Variants in CEP83 observed in about 807,000 individuals in gnomAD.
CEP83 encodes centrosomal protein 83.
In CEP83, 70 loss-of-function variants were observed where a neutral mutation model predicts 101.9. That is an observed-to-expected ratio of 0.69 (90% CI 0.57 to 0.84). The LOEUF (loss-of-function observed/expected upper bound fraction) is 0.84. Ranked by LOEUF, CEP83 falls within the 40% of genes least tolerant of loss-of-function variation. CEP83 has a pLI of 0.00. For missense variants in CEP83, 715 were observed against 787.2 expected, an observed-to-expected ratio of 0.91 and a Z score of 1.10; for synonymous variants, 264 against 267.9, an observed-to-expected ratio of 0.99 and a Z score of 0.14.
intron 11 of CEP83, among the ~76,000 whole-genome samples, chr12:94,341,280 T>C (rs909611789): frequency 2.6e-5 from 4 of 152,192 alleles, no homozygotes; most frequent in Non-Finnish European, 5.9e-5. Flanking sequence ...GTGATTAATA[T>C]GTAATAGATT....
rs756209826 is a variant in CEP83, at chr12:94,411,653, T to C, written c.324+44A>G. ...AAACTACTTACTTCCACTACGTATC[T>C]GACTGCTTTTATACTAACTCAAAAC... On this transcript the variant is annotated intron_variant, in intron 4 of 16. Transcript: ENST00000397809. 7 of 1,482,538 alleles carry C rather than the reference T, an allele frequency of 4.7e-6. No homozygotes were observed. The South Asian group carries it at 8.5e-5, about 18-fold the overall frequency. 91.8% of individuals were successfully genotyped at this position (1,482,538 alleles called of 1,614,324 possible).
chr12:94,413,639 T>C (rs1052692396), intron 2 of CEP83, among the ~76,000 whole-genome samples: 5 of 152,146 alleles, frequency 3.3e-5, no homozygotes, highest in African/African-American at 1.2e-4. Flanking sequence ...TCCTATGTGT[T>C]ATACACTGTG....
intron 11 of CEP83, among the ~76,000 whole-genome samples, chr12:94,342,012 C>T (rs760227777): frequency 7.9e-5 from 12 of 152,192 alleles, no homozygotes; most frequent in Admixed American, 2.0e-4. Flanking sequence ...GATTTAAAAA[C>T]GACCTGTCTT....
Position 94,375,972 on chromosome 12 carries a change from C to CT in CEP83, c.846dup (p.Glu283ArgfsTer7). 6.4e-7 allele frequency: 1 copy of CT among 1,573,036 alleles called. No individual in the cohort carries two copies. Among genetic ancestry groups the CT allele is most frequent in the Non-Finnish European group, 8.7e-7 (1 of 1,155,348 alleles). On this transcript the variant is annotated frameshift_variant, in exon 8 of 17. Coordinates refer to ENST00000397809, the MANE Select transcript of CEP83 (RefSeq NM_016122.3). LOFTEE classifies it high-confidence loss of function. Reference sequence around the variant, plus strand: ...TTTTGTTCACTGCTTGATTGTAGCTCTTTTTCCAAACGTTCTGCCCGTAAA... The same window carrying CT: ...TTTTGTTCACTGCTTGATTGTAGCTCTTTTTTCCAAACGTTCTGCCCGTAAA...
Position 94,459,653 on chromosome 12 carries a change from C to T in CEP83, c.-251G>A, listed in dbSNP as rs997402308. 10 of 152,874 alleles carry T rather than the reference C, an allele frequency of 6.5e-5. No homozygotes were observed. The highest frequency in any genetic ancestry group is 1.3e-4 in the Admixed American group (2 of 15,288). 9.5% of individuals were successfully genotyped at this position (152,874 alleles called of 1,614,324 possible). A position where few individuals can be genotyped will look rare whatever the true frequency, so the allele number is the denominator to read the frequency against. On this transcript the variant is annotated 5_prime_UTR_variant, in exon 1 of 17. Coordinates refer to ENST00000397809, the MANE Select transcript of CEP83 (RefSeq NM_016122.3). Reference sequence around the variant, plus strand: ...ACCGGGGACACCTCCACAGCTCCAACCACAGGCACCCACTCAACTCCGCTT... The same window carrying T: ...ACCGGGGACACCTCCACAGCTCCAATCACAGGCACCCACTCAACTCCGCTT...
At chr12:94,323,182 A>G (rs1426771897) in intron 14 of CEP83, among the ~76,000 whole-genome samples, 2 of 152,104 alleles carry the variant, frequency 1.3e-5, no homozygotes, top group Admixed American at 6.5e-5. Flanking sequence ...CCCTGTATAC[A>G]GCCTCTTTCC....
At chr12:94,359,950 T>C (rs1189862253) in intron 11 of CEP83, among the ~76,000 whole-genome samples, 1 of 152,162 alleles carries the variant, frequency 6.6e-6, no homozygotes. Flanking sequence ...GTTAGATTTA[T>C]CACAGGTATG....
At chr12:94,390,544 C>T (rs1284624535) in intron 6 of CEP83, among the ~76,000 whole-genome samples, 1 of 152,092 alleles carries the variant, frequency 6.6e-6, no homozygotes, top group African/African-American at 2.4e-5. Flanking sequence ...AAGCTGAAAA[C>T]TCTAAAAATC....
In CEP83 at chr12:94,348,105, C is replaced by T. The variant is rs139852722; in HGVS notation, c.1344-12441G>A. ...ATGGTAAATTTTATGTATATTTTAC[C>T]ACAAAAAAAATATATATATATACAC... On this transcript the variant is annotated intron_variant, in intron 11 of 16. Coordinates refer to ENST00000397809, the MANE Select transcript of CEP83 (RefSeq NM_016122.3). Among the ~76,000 whole-genome samples, 3 of 150,386 alleles carry T rather than the reference C, an allele frequency of 2.0e-5. No individual in the cohort carries two copies. The East Asian group carries it at 5.8e-4, about 29-fold the overall frequency.
chr12:94,356,112 G>T (rs957952671), intron 11 of CEP83, among the ~76,000 whole-genome samples: 1 of 152,180 alleles, frequency 6.6e-6, no homozygotes, highest in Non-Finnish European at 1.5e-5. Context: ...CCAGGTCGAA[G>T]GGTCGCCAGA....
intron 6 of CEP83, among the ~76,000 whole-genome samples, chr12:94,399,087 GT>G (rs1374657845): frequency 6.6e-6 from 1 of 152,128 alleles, no homozygotes; most frequent in Non-Finnish European, 1.5e-5. Context: ...TGTGATCTTT[GT>G]TTCTGCCCTT....
chr12:94,275,039 T>C, the CEP83 span, among the ~76,000 whole-genome samples: 349 of 152,318 alleles, frequency 2.3e-3, no homozygotes, highest in Middle Eastern at 0.014. Context: ...TCAGCGAAGT[T>C]AGACGACTTC....
intron 6 of CEP83, among the ~76,000 whole-genome samples, chr12:94,382,359 T>A (rs2061896933): frequency 6.6e-6 from 1 of 151,454 alleles, no homozygotes; most frequent in Admixed American, 6.6e-5. Flanking sequence ...CTATGTTTAT[T>A]ATTTCCCTCC....
the CEP83 span, chr12:94,272,205 G>C: frequency 6.6e-6 from 1 of 152,224 alleles, no homozygotes; most frequent in Non-Finnish European, 1.5e-5. Context: ...GTACAGAACA[G>C]AGACCCAAGA....
In CEP83 at chr12:94,310,023, T is replaced by C. The variant is rs1244029922; in HGVS notation, c.1896A>G (p.Leu632=). 6.2e-7 allele frequency: 1 copy of C among 1,611,070 alleles called. No homozygotes were observed. Among genetic ancestry groups the C allele is most frequent in the Non-Finnish European group, 8.5e-7 (1 of 1,177,464 alleles). ...TTGGAGGCATGTTAGGAACCAAAAT[T>C]AGACTTCGAAATTCATTATGTCTTC... The part of the protein sequence containing the change: ...IQRRHNEFRS[L]ILVPNMPPTA... The change falls in exon 16 of 17, where the codon CTA becomes CTG. Residue 632 remains leucine, a synonymous_variant. Coordinates refer to ENST00000397809, the MANE Select transcript of CEP83 (RefSeq NM_016122.3).
chr12:94,442,469 G>T lies in CEP83; in HGVS notation c.-154-7142C>A, dbSNP rs59234150. Among the ~76,000 whole-genome samples the T allele has an allele frequency of 9.1e-3, 1,380 of 152,030 alleles. 22 individuals are homozygous for T. The highest frequency in any genetic ancestry group is 0.032 in the African/African-American group (1,321 of 41,468). On this transcript the variant is annotated intron_variant, in intron 1 of 16. Transcript: ENST00000397809. Reference sequence around the variant, plus strand: ...AATCTCAGAAATCACCACTAAATAAGTTATCCATGTAACCAAACACCACCT... The same window carrying T: ...AATCTCAGAAATCACCACTAAATAATTTATCCATGTAACCAAACACCACCT...
chr12:94,389,970 C>T lies in CEP83; in HGVS notation c.549+10880G>A, dbSNP rs372280461. On this transcript the variant is annotated intron_variant, in intron 6 of 16. Transcript: ENST00000397809. ...AGGTAAACAAAACGGCCAGGAAGCT[C>T]GAACTGGGCGGAGCCCACTGCAGCT... Among the ~76,000 whole-genome samples the T allele has an allele frequency of 4.4e-4, 67 of 152,314 alleles. 2 individuals carry two copies. The East Asian group carries it at 0.012, about 28-fold the overall frequency.
At position 94,451,057 on chromosome 12, in the gene CEP83, T is replaced by C. The variant is rs1048862641; in HGVS notation, c.-155+8500A>G. 3.9e-5 allele frequency among the ~76,000 whole-genome samples: 6 copies of C among 152,224 alleles called. No individual in the cohort carries two copies. In the South Asian group the frequency reaches 1.2e-3, roughly 31 times the overall value. On this transcript the variant is annotated intron_variant, in intron 1 of 16. Transcript: ENST00000397809. The stretch of plus-strand genomic sequence containing the variant: ...AACTGATATTTTACAAAGATGCCAA[T>C]ACAATTGAAGGGAAAAGAACAGTCT...
intron 13 of CEP83, 61 bp from the exon 14 acceptor site, chr12:94,331,890 T>C (rs916350481): frequency 2.0e-5 from 30 of 1,493,928 alleles, no homozygotes; most frequent in Non-Finnish European, 2.7e-5. Flanking sequence ...TAAATAGATA[T>C]TATCACAAGT....
Sources: gnomAD v4.1 joint callset for allele counts (sites outside exome capture counted in the v4.1 genomes callset) on GRCh38, gnomAD v4.1.1 for gene constraint, MANE v1.5 for transcripts, NCBI Gene and HGNC (gene_info 2026-07-23, HGNC 2026-07-21) for gene names.